The following FBXO11 variants were observed in gnomAD, a reference collection of about 807,000 sequenced individuals.
FBXO11 encodes F-box only protein 11.
A neutral mutation model predicts 117.0 loss-of-function variants in FBXO11; 13 were observed. The ratio of observed to expected loss-of-function variants is 0.11; its 90% CI spans 0.07 to 0.18. The LOEUF (loss-of-function observed/expected upper bound fraction) is 0.18, where lower values mean the gene tolerates loss of function less well. FBXO11 is among the 10% of genes least tolerant of loss of function. FBXO11 has a pLI of 1.00. For synonymous variants in FBXO11, 490 were observed against 380.5 expected (o/e 1.29, Z -3.35); for missense variants, 767 against 1,164.4 (o/e 0.66, Z 4.97).
At chr2:47,847,262 G>C (rs377109195) in intron 1 of FBXO11, among the ~76,000 whole-genome samples, 1 of 151,750 alleles carries the variant, frequency 6.6e-6, no homozygotes, top group South Asian at 2.1e-4. Context: ...CAAACAAAAA[G>C]AAATTAAGCA....
chr2:47,848,390 T>C (rs967887400), intron 1 of FBXO11, among the ~76,000 whole-genome samples: 2 of 152,086 alleles, frequency 1.3e-5, no homozygotes, highest in African/African-American at 4.8e-5. Flanking sequence ...GTGCACTTCT[T>C]ATGAGAATCT....
chr2:47,811,958 C>T (rs1032919893), intron 18 of FBXO11, among the ~76,000 whole-genome samples: 1 of 151,482 alleles, frequency 6.6e-6, no homozygotes, highest in East Asian at 1.9e-4. Context: ...GCCCCCCCAA[C>T]CTTTTCACAC....
intron 18 of FBXO11, 52 bp downstream of exon 18, chr2:47,813,182 G>C: frequency 6.5e-7 from 1 of 1,544,942 alleles, no homozygotes; most frequent in Non-Finnish European, 8.9e-7. Context: ...TAAAGATATG[G>C]AAGAATAATG....
At chr2:47,881,754 C>CTTT (rs59669634) in intron 1 of FBXO11, among the ~76,000 whole-genome samples, 2 of 150,630 alleles carry the variant, frequency 1.3e-5, no homozygotes, top group African/African-American at 4.9e-5. Flanking sequence ...ACATTTTAGT[C>CTTT]TTTTTTTTTG....
At chr2:47,860,407 T>C (rs1164503226) in intron 1 of FBXO11, among the ~76,000 whole-genome samples, 1 of 149,976 alleles carries the variant, frequency 6.7e-6, no homozygotes, top group Admixed American at 6.6e-5. Context: ...TATTTTACCC[T>C]GGATTTTTTT....
chr2:47,846,141 G>A (rs930067428), intron 1 of FBXO11, among the ~76,000 whole-genome samples: 11 of 152,174 alleles, frequency 7.2e-5, no homozygotes, highest in Non-Finnish European at 1.6e-4. Context: ...ATTAGTTATG[G>A]TTTTGTGCCA....
chr2:47,882,780 T>A lies in FBXO11; in HGVS notation c.232+22709A>T, dbSNP rs116041997. Among the ~76,000 whole-genome samples the A allele has an allele frequency of 2.0e-5, 3 of 152,254 alleles. No individual in the cohort carries two copies. The East Asian group carries it at 5.8e-4, about 29-fold the overall frequency. ...CATCTTCCCACCTCAGACTCCCAAG[T>A]AGCTGGGACTACAGACGTAAGCCAC... On this transcript the variant is annotated intron_variant, in intron 1 of 22. Transcript: ENST00000403359.
Position 47,839,653 on chromosome 2 carries a change from T to C in FBXO11, c.349A>G (p.Asn117Asp). The change falls in exon 2 of 23, where the codon AAC (asparagine) becomes GAC (aspartate). Residue 117 changes from asparagine to aspartate, a missense_variant. Asn to Asp is a conservative substitution (Grantham distance 23). Around this residue, in one of 10 missense-constraint regions of FBXO11, gnomAD observed 355 missense variants for 299.8 expected, o/e 1.18. Transcript: ENST00000403359. ...LPKRTACPTK[N>D]SMEGASTSTT... ...ACAGTTAAAGTTACCTCCATACTGT[T>C]CTTTGTGGGACACGCTGTTCTTTTC... 1 of 1,614,120 alleles carries C rather than the reference T, an allele frequency of 6.2e-7. No individual in the cohort carries two copies.
chr2:47,888,665 C>A, intron 1 of FBXO11: 1 of 983,556 alleles, frequency 1.0e-6, no homozygotes, highest in Non-Finnish European at 1.2e-6. Context: ...CTTAAAATTT[C>A]CTGTTAGACA....
At chr2:47,857,351 C>G (rs999646873) in intron 1 of FBXO11, among the ~76,000 whole-genome samples, 2 of 152,006 alleles carry the variant, frequency 1.3e-5, no homozygotes, top group South Asian at 4.1e-4. Flanking sequence ...AAACTCTTGG[C>G]TTCAAGTGAT....
intron 17 of FBXO11, 103 bp from the exon 18 acceptor site, chr2:47,813,480 A>T (rs1670777087): frequency 1.3e-6 from 1 of 741,874 alleles, no homozygotes; most frequent in African/African-American, 2.5e-5. Context: ...GCCAGGCTGG[A>T]GTGTGCAGTG....
chr2:47,869,532 C>T (rs1472647688), intron 1 of FBXO11, among the ~76,000 whole-genome samples: 1 of 152,186 alleles, frequency 6.6e-6, no homozygotes, highest in Admixed American at 6.5e-5. Context: ...CTACAACAAC[C>T]CAATTCAGGT....
rs373881106 is a variant in FBXO11 at position 47,870,912 on chromosome 2, A to T, written c.233-31143T>A. ...CTTACAAATACTCTGAGATGTCTAA[A>T]AATGAAATTACTGGATCATAGGACA... On this transcript the variant is annotated intron_variant, in intron 1 of 22. Transcript: ENST00000403359. Among the ~76,000 whole-genome samples, 352 of 152,360 alleles carry T rather than the reference A, an allele frequency of 2.3e-3. 2 individuals are homozygous for T. Among genetic ancestry groups the T allele is most frequent in the South Asian group, 7.2e-3 (35 of 4,834 alleles).
intron 1 of FBXO11, among the ~76,000 whole-genome samples, chr2:47,904,610 ACACACACACAC>A (rs752052057): frequency 5.0e-5 from 7 of 138,828 alleles, no homozygotes; most frequent in African/African-American, 7.5e-5. Context: ...ACACACACAC[ACACACACACAC>A]AAAATATCCC....
chr2:47,820,654 C>G (rs56101865), intron 13 of FBXO11, among the ~76,000 whole-genome samples, 198 bp from the exon 14 acceptor site: 163 of 152,052 alleles, frequency 1.1e-3, no homozygotes, highest in African/African-American at 3.7e-3. Context: ...GTTGTGGAGC[C>G]GAGCTGCCAC....
chr2:47,812,617 A>C (rs1233144097), intron 18 of FBXO11, among the ~76,000 whole-genome samples: 1 of 152,232 alleles, frequency 6.6e-6, no homozygotes, highest in South Asian at 2.1e-4. Flanking sequence ...TGTTAGAGTA[A>C]TAACTAGCTA....
chr2:47,877,027 C>T (rs1441935823), intron 1 of FBXO11, among the ~76,000 whole-genome samples: 1 of 151,116 alleles, frequency 6.6e-6, no homozygotes, highest in Non-Finnish European at 1.5e-5. Context: ...CTAATGACAT[C>T]TTACTTAATA....
chr2:47,864,691 C>G (rs1332455138), intron 1 of FBXO11, among the ~76,000 whole-genome samples: 1 of 152,146 alleles, frequency 6.6e-6, no homozygotes, highest in East Asian at 1.9e-4. Context: ...GAGGCTCTGT[C>G]AAGATGAATA....
chr2:47,901,464 G>A (rs960764113), intron 1 of FBXO11, among the ~76,000 whole-genome samples: 1 of 151,832 alleles, frequency 6.6e-6, no homozygotes, highest in African/African-American at 2.4e-5. Context: ...TTTATTAAAA[G>A]GTAATAAATG....
Sources: gnomAD v4.1 joint callset for allele counts (sites outside exome capture counted in the v4.1 genomes callset) on GRCh38, gnomAD v4.1.1 for gene constraint, gnomAD v4.1.1 regional missense constraint, MANE v1.5 for transcripts, NCBI Gene and HGNC (gene_info 2026-07-23, HGNC 2026-07-21) for gene names.